The following NLRC5 variants were observed in gnomAD, a reference collection of about 807,000 sequenced individuals.
The protein encoded by NLRC5 is protein NLRC5.
Under a neutral mutation model 206.9 loss-of-function variants are expected in NLRC5, and 114 were observed. The observed-to-expected ratio is 0.55, with a 90% confidence interval of 0.47 to 0.64. The LOEUF is 0.64. NLRC5 is among the 30% of genes least tolerant of loss of function. NLRC5 has a pLI of 0.00. For missense variants in NLRC5, 2,008 were observed against 2,305.5 expected, an observed-to-expected ratio of 0.87 and a Z score of 2.64; for synonymous variants, 952 against 962.8, an observed-to-expected ratio of 0.99 and a Z score of 0.21.
chr16:57,052,520 T>A (rs2065063566), intron 24 of NLRC5: 1 of 151,852 alleles, frequency 6.6e-6, no homozygotes, highest in African/African-American at 2.4e-5. Context: ...TTAGAAGGAT[T>A]TACTTTAAAC....
chr16:57,059,168 G>A, intron 29 of NLRC5, 107 bp downstream of exon 29: 1 of 1,596,694 alleles, frequency 6.3e-7, no homozygotes, highest in Non-Finnish European at 8.5e-7. Context: ...TTCCATCTGG[G>A]TGGCTTGGAG....
At position 57,076,799 on chromosome 16, in the gene NLRC5, T is replaced by G. The variant is rs368829386; in HGVS notation, c.4752-20T>G. On this transcript the variant is annotated intron_variant, in intron 39 of 48. Transcript: ENST00000688547. ...CTTTAAGCTCCTGAAAGCCTCTTGG[T>G]CTATTCCCTGCTTTTCCAGACTGAA... 70 of 1,612,908 alleles carry G rather than the reference T, an allele frequency of 4.3e-5. No individual in the cohort carries two copies. Among genetic ancestry groups the G allele is most frequent in the Middle Eastern group, 1.6e-4 (1 of 6,078 alleles).
chr16:57,034,931 G>A (rs1036622662), intron 13 of NLRC5: 5 of 152,310 alleles, frequency 3.3e-5, no homozygotes, highest in African/African-American at 9.7e-5. Flanking sequence ...TCTGGGTCGA[G>A]TGGCCCCACC....
chr16:57,008,611 T>C (rs1266601028), intron 1 of NLRC5, among the ~76,000 whole-genome samples: 3 of 152,180 alleles, frequency 2.0e-5, no homozygotes, highest in Non-Finnish European at 4.4e-5. Context: ...CAAAAACTAA[T>C]AAGAAAGCCT....
At chr16:57,046,336 C>T (rs2063971498) in intron 21 of NLRC5, among the ~76,000 whole-genome samples, 1 of 152,196 alleles carries the variant, frequency 6.6e-6, no homozygotes, top group African/African-American at 2.4e-5. Context: ...CCCTGAGCCT[C>T]AGTTTCCCCA....
Position 57,051,518 on chromosome 16 carries a change from C to T in NLRC5, c.3423-20C>T. On this transcript the variant is annotated intron_variant, in intron 23 of 48. Transcript: ENST00000688547. ...TCCTGGAAGGTTTCCCCCACCTCATCCACCTGCTTTGTTTCACAGATTGTC... is the reference window on the plus strand; with the variant it reads ...TCCTGGAAGGTTTCCCCCACCTCATTCACCTGCTTTGTTTCACAGATTGTC... 1 of 1,599,132 alleles carries T rather than the reference C, an allele frequency of 6.3e-7. No individual in the cohort carries two copies. Among genetic ancestry groups the T allele is most frequent in the Non-Finnish European group, 8.6e-7 (1 of 1,166,412 alleles).
rs138497388 is a variant in NLRC5, at chr16:57,000,383, T to C, written c.-128+10766T>C. On this transcript the variant is annotated intron_variant, in intron 1 of 48. Coordinates refer to ENST00000688547, the MANE Select transcript of NLRC5 (RefSeq NM_001384950.1). ...GTGAAGGAGGCAGTTTAAAGACTAG[T>C]GATGTGGGCTGGGACCCAGATTGCT... Among the ~76,000 whole-genome samples the C allele has an allele frequency of 3.4e-4, 51 of 152,094 alleles. 1 individual carries two copies. The East Asian group carries it at 7.4e-3, about 22-fold the overall frequency.
chr16:57,069,859 C>G lies in NLRC5; in HGVS notation c.4523C>G (p.Thr1508Ser). 6.2e-7 allele frequency: 1 copy of G among 1,603,590 alleles called. No homozygotes were observed. The highest frequency in any genetic ancestry group is 1.7e-5 in the Admixed American group (1 of 58,840). ...TFRLTSSCVS[T>S]EGLAHLASGL... ...AGGCTGACCTCCAGCTGTGTGAGCA[C>G]CGAGGGCCTCGCCCACCTGGCATCT... Residue 1508 changes from threonine (T) to serine (S), a missense_variant, in exon 37 of 49, where the codon ACC (threonine) becomes AGC (serine). By Grantham distance (58) the Thr-to-Ser change is moderately conservative (BLOSUM62 1). Transcript: ENST00000688547.
At chr16:57,014,594 T>C (rs7199471) in intron 1 of NLRC5, among the ~76,000 whole-genome samples, 6,919 of 152,322 alleles carry the variant, frequency 0.045, 507 homozygotes, top group African/African-American at 0.15. Flanking sequence ...CCAAGTTCTG[T>C]TAAAGTATCC....
At chr16:57,080,660 T>C (rs1295559507) in intron 46 of NLRC5, among the ~76,000 whole-genome samples, 2 of 152,032 alleles carry the variant, frequency 1.3e-5, no homozygotes, top group African/African-American at 2.4e-5. Flanking sequence ...AATTTTTGTA[T>C]TTTTAGTAGA....
In NLRC5 at chr16:57,027,062, G is replaced by C. The variant is rs751140503; in HGVS notation, c.2075+44G>C. 28 of 1,580,924 alleles carry C rather than the reference G, an allele frequency of 1.8e-5. No individual in the cohort carries two copies. The South Asian group carries it at 2.4e-4, about 14-fold the overall frequency. Reference sequence around the variant, plus strand: ...GGACCGGGGAGGGGATTGGGCTTTTGGGGGAGCAGAGGCCAACCAGTCTAG... The same window carrying C: ...GGACCGGGGAGGGGATTGGGCTTTTCGGGGAGCAGAGGCCAACCAGTCTAG... On this transcript the variant is annotated intron_variant, in intron 6 of 48. Coordinates refer to ENST00000688547, the MANE Select transcript of NLRC5 (RefSeq NM_001384950.1).
chr16:56,993,973 A>AC (rs1426157584), intron 1 of NLRC5, among the ~76,000 whole-genome samples: 1 of 151,886 alleles, frequency 6.6e-6, no homozygotes, highest in Non-Finnish European at 1.5e-5. Flanking sequence ...GTAAAAAAAA[A>AC]AAAAAAAGCA....
At chr16:57,058,721 C>T (rs2066016555) in intron 28 of NLRC5, among the ~76,000 whole-genome samples, 1 of 152,208 alleles carries the variant, frequency 6.6e-6, no homozygotes, top group Non-Finnish European at 1.5e-5. Context: ...CTTGCCAGTG[C>T]CCAGACCCCA....
At chr16:57,068,566 G>A (rs2067306569) in intron 36 of NLRC5, among the ~76,000 whole-genome samples, 1 of 151,672 alleles carries the variant, frequency 6.6e-6, no homozygotes, top group South Asian at 2.1e-4. Flanking sequence ...CCATTTAGAA[G>A]TAAGTTGTAA....
intron 5 of NLRC5, among the ~76,000 whole-genome samples, chr16:57,024,163 C>T (rs912858229): frequency 6.6e-6 from 1 of 152,188 alleles, no homozygotes. Context: ...ACCCTATGTC[C>T]TCAGTGTTGA....
In NLRC5 at chr16:57,039,765, T is replaced by A; in HGVS notation, c.2802-16T>A. On this transcript the variant is annotated splice_polypyrimidine_tract_variant and intron_variant, in intron 15 of 48. Coordinates refer to ENST00000688547, the MANE Select transcript of NLRC5 (RefSeq NM_001384950.1). ...CAATAACCTCTCGCTTCCTCACCCC[T>A]CTTTTGTCTTCACAGCCTGCAGCAC... The A allele has an allele frequency of 6.2e-7, 1 of 1,613,036 alleles. No individual in the cohort carries two copies. The highest frequency in any genetic ancestry group is 1.1e-5 in the South Asian group (1 of 91,046).
chr16:57,046,713 A>G lies in NLRC5; in HGVS notation c.3338+72A>G, dbSNP rs1158059916. The G allele has an allele frequency of 4.8e-6, 6 of 1,246,998 alleles. No homozygotes were observed. The African/African-American group carries it at 5.9e-5, about 12-fold the overall frequency. 77.2% of individuals were successfully genotyped at this position (1,246,998 alleles called of 1,614,324 possible). On this transcript the variant is annotated intron_variant, in intron 22 of 48. Transcript: ENST00000688547. Reference sequence around the variant, plus strand: ...AGGCGTCAGAGGGGGCAGAGCTGGCAGGGGGCTAGGGCTGGGGATTGGGAT... The same window carrying G: ...AGGCGTCAGAGGGGGCAGAGCTGGCGGGGGGCTAGGGCTGGGGATTGGGAT...
chr16:57,076,387 T>C (rs1022994798), intron 39 of NLRC5, among the ~76,000 whole-genome samples: 13 of 152,224 alleles, frequency 8.5e-5, no homozygotes, highest in Admixed American at 2.6e-4. Context: ...AACCTACCAT[T>C]TGCATGGATG....
chr16:57,055,536 G>A lies in NLRC5; in HGVS notation c.3746+17G>A, dbSNP rs1421829196. ...CCAGGTGGAGTAAGTTGAGGGAGGAGGAGGAAGGAGAGGAGCATGGACGCA... is the reference window on the plus strand; with the variant it reads ...CCAGGTGGAGTAAGTTGAGGGAGGAAGAGGAAGGAGAGGAGCATGGACGCA... On this transcript the variant is annotated intron_variant, in intron 27 of 48. Coordinates refer to ENST00000688547, the MANE Select transcript of NLRC5 (RefSeq NM_001384950.1). 1.2e-6 allele frequency: 2 copies of A among 1,607,042 alleles called. No individual in the cohort carries two copies. Among genetic ancestry groups the A allele is most frequent in the Non-Finnish European group, 1.7e-6 (2 of 1,174,016 alleles).
Sources: gnomAD v4.1 joint callset for allele counts (sites outside exome capture counted in the v4.1 genomes callset) on GRCh38, gnomAD v4.1.1 for gene constraint, MANE v1.5 for transcripts, NCBI Gene and HGNC (gene_info 2026-07-23, HGNC 2026-07-21) for gene names.